The following DYNC1I1 variants were observed in gnomAD, a reference collection of about 807,000 sequenced individuals.
The protein encoded by DYNC1I1 is dynein cytoplasmic 1 intermediate chain 1.
Under a neutral mutation model 86.6 loss-of-function variants are expected in DYNC1I1, and 43 were observed. The ratio of observed to expected loss-of-function variants is 0.50; its 90% CI spans 0.39 to 0.64. DYNC1I1 has a LOEUF of 0.64. Ranked by LOEUF, DYNC1I1 falls within the 30% of genes least tolerant of loss-of-function variation. DYNC1I1 has a pLI of 0.00. For missense variants in DYNC1I1, 604 were observed against 788.8 expected, an observed-to-expected ratio of 0.77 and a Z score of 2.81; for synonymous variants, 262 against 283.7, an observed-to-expected ratio of 0.92 and a Z score of 0.77.
At chr7:96,106,410 C>T (rs1343077212) in intron 16 of DYNC1I1, among the ~76,000 whole-genome samples, 3 of 152,024 alleles carry the variant, frequency 2.0e-5, no homozygotes, top group Admixed American at 2.0e-4. Flanking sequence ...TGGCCGGCGC[C>T]TATAATCCCA....
intron 5 of DYNC1I1, among the ~76,000 whole-genome samples, chr7:95,844,648 G>A (rs1789378702): frequency 6.6e-6 from 1 of 152,012 alleles, no homozygotes; most frequent in African/African-American, 2.4e-5. Flanking sequence ...GCAATCGTAG[G>A]GGTGTGGAAA....
chr7:95,783,460 T>A (rs987951482), intron 1 of DYNC1I1, among the ~76,000 whole-genome samples: 13 of 152,102 alleles, frequency 8.5e-5, no homozygotes, highest in African/African-American at 2.9e-4. Flanking sequence ...CAATGTCTAA[T>A]AGAGGGAAAA....
chr7:95,893,592 A>G (rs1790801009), intron 6 of DYNC1I1, among the ~76,000 whole-genome samples: 1 of 152,096 alleles, frequency 6.6e-6, no homozygotes, highest in Non-Finnish European at 1.5e-5. Context: ...CATGTGCCTT[A>G]CTCCTGTTCC....
chr7:95,887,161 C>T (rs182140630), intron 6 of DYNC1I1, among the ~76,000 whole-genome samples: 9 of 152,276 alleles, frequency 5.9e-5, no homozygotes, highest in Admixed American at 5.9e-4. Context: ...ATTAGAGTCA[C>T]CTAGGGAGCT....
chr7:95,961,578 G>A (rs1296072119), intron 6 of DYNC1I1, among the ~76,000 whole-genome samples: 2 of 152,080 alleles, frequency 1.3e-5, no homozygotes, highest in African/African-American at 4.8e-5. Flanking sequence ...ATATAGAATG[G>A]CAGAAGTTGA....
chr7:95,777,450 G>A (rs1005073327), intron 1 of DYNC1I1, among the ~76,000 whole-genome samples: 6 of 152,086 alleles, frequency 3.9e-5, no homozygotes, highest in African/African-American at 1.4e-4. Context: ...GTCATGATCC[G>A]GAACACTGAC....
chr7:96,103,409 A>G (rs1425288150), downstream of DYNC1I1, among the ~76,000 whole-genome samples: 1 of 152,198 alleles, frequency 6.6e-6, no homozygotes, highest in Admixed American at 6.5e-5. Flanking sequence ...AACCCAAGCC[A>G]TCATCATCTC....
At chr7:95,937,008 A>G (rs557863866) in intron 6 of DYNC1I1, among the ~76,000 whole-genome samples, 1 of 149,564 alleles carries the variant, frequency 6.7e-6, no homozygotes, top group African/African-American at 2.5e-5. Flanking sequence ...TTCAGCAATT[A>G]CAAAAAAAGA....
chr7:95,830,640 A>G (rs976429039), intron 5 of DYNC1I1, among the ~76,000 whole-genome samples: 7 of 152,198 alleles, frequency 4.6e-5, no homozygotes, highest in African/African-American at 1.4e-4. Flanking sequence ...TGCCCATTAC[A>G]AATAGAACTG....
intron 1 of DYNC1I1, among the ~76,000 whole-genome samples, chr7:95,803,153 G>C (rs2115787824): frequency 6.6e-6 from 1 of 152,266 alleles, no homozygotes; most frequent in South Asian, 2.1e-4. Flanking sequence ...TCTTAATTAT[G>C]AAAAGGAATT....
chr7:96,076,595 A>G (rs1240845683), intron 15 of DYNC1I1, among the ~76,000 whole-genome samples: 2 of 152,182 alleles, frequency 1.3e-5, no homozygotes, highest in African/African-American at 4.8e-5. Context: ...AAAAAGGGCT[A>G]TTTGTCAGTG....
At chr7:95,814,991 G>T (rs1440559393) in intron 4 of DYNC1I1, among the ~76,000 whole-genome samples, 1 of 151,932 alleles carries the variant, frequency 6.6e-6, no homozygotes, top group Non-Finnish European at 1.5e-5. Context: ...ATTTCTTGGG[G>T]GGGGTCCATT....
intron 5 of DYNC1I1, among the ~76,000 whole-genome samples, chr7:95,847,220 A>G (rs1374369656): frequency 6.6e-6 from 1 of 152,072 alleles, no homozygotes; most frequent in African/African-American, 2.4e-5. Flanking sequence ...AAAGTCTCCA[A>G]TTTGCAGCAT....
At chr7:96,085,827 T>C (rs1355995939) in intron 16 of DYNC1I1, among the ~76,000 whole-genome samples, 1 of 152,228 alleles carries the variant, frequency 6.6e-6, no homozygotes, top group Non-Finnish European at 1.5e-5. Flanking sequence ...GCAATTTGTT[T>C]GTTTTGGATT....
chr7:95,876,848 C>G (rs1191751626), intron 6 of DYNC1I1, among the ~76,000 whole-genome samples: 1 of 152,128 alleles, frequency 6.6e-6, no homozygotes, highest in Non-Finnish European at 1.5e-5. Flanking sequence ...GTCCATGAAT[C>G]TACTTCCCAG....
intron 6 of DYNC1I1, among the ~76,000 whole-genome samples, chr7:95,897,098 A>G (rs766641007): frequency 6.6e-6 from 1 of 152,204 alleles, no homozygotes; most frequent in Non-Finnish European, 1.5e-5. Context: ...GAATTTTAGG[A>G]AAAAGGGAAG....
chr7:95,972,128 T>C (rs1015390814), intron 6 of DYNC1I1, among the ~76,000 whole-genome samples: 10 of 152,138 alleles, frequency 6.6e-5, no homozygotes, highest in African/African-American at 2.4e-4. Flanking sequence ...AGGGTTCTGG[T>C]TGCATGCAGC....
At chr7:95,800,278 G>A (rs1051331245) in intron 1 of DYNC1I1, among the ~76,000 whole-genome samples, 3 of 152,002 alleles carry the variant, frequency 2.0e-5, no homozygotes, top group African/African-American at 7.3e-5. Flanking sequence ...TGTAGTAGCT[G>A]ATTTGAACTT....
chr7:96,082,483 CACTT>C (rs1261275284), intron 16 of DYNC1I1, among the ~76,000 whole-genome samples: 1 of 152,096 alleles, frequency 6.6e-6, no homozygotes, highest in Non-Finnish European at 1.5e-5. Flanking sequence ...TCCCTTAACT[CACTT>C]AAGATTGTAT....
Sources: allele counts gnomAD v4.1 joint callset (sites outside exome capture counted in the v4.1 genomes callset), GRCh38; gene constraint gnomAD v4.1.1; transcripts MANE v1.5; gene names NCBI Gene and HGNC (gene_info 2026-07-23, HGNC 2026-07-21).